Variants in EPHA6 observed in about 807,000 individuals in gnomAD.
EPHA6 encodes ephrin type-A receptor 6.
EPHA6 carries 50 observed loss-of-function variants against 112.0 expected under a neutral mutation model. The observed-to-expected ratio is 0.45, with a 90% CI of 0.36 to 0.56. EPHA6 has a LOEUF of 0.56. EPHA6 is among the 20% of genes least tolerant of loss of function. The pLI is 0.00. For synonymous variants in EPHA6, 529 were observed against 490.7 expected (o/e 1.08, Z -1.03); for missense variants, 1,280 against 1,417.4 (o/e 0.90, Z 1.56).
At chr3:97,643,456 G>A (rs367635170) in intron 14 of EPHA6, among the ~76,000 whole-genome samples, 11,607 of 150,082 alleles carry the variant, frequency 0.077, 579 homozygotes, top group South Asian at 0.21. Context: ...AACTTTAAAT[G>A]TAAATGGACT....
intron 11 of EPHA6, among the ~76,000 whole-genome samples, chr3:97,542,170 C>A (rs148661357): frequency 1.3e-5 from 2 of 151,748 alleles, no homozygotes; most frequent in African/African-American, 4.8e-5. Flanking sequence ...TATACATGTG[C>A]CATGTTGGTG....
At chr3:96,913,412 AATC>A (rs1010708341) in intron 2 of EPHA6, among the ~76,000 whole-genome samples, 13 of 152,192 alleles carry the variant, frequency 8.5e-5, no homozygotes, top group Non-Finnish European at 1.6e-4. Context: ...AGAATGACAT[AATC>A]CAATCACATT....
chr3:97,083,386 C>CT (rs1216908723), intron 3 of EPHA6, among the ~76,000 whole-genome samples: 8 of 151,822 alleles, frequency 5.3e-5, no homozygotes, highest in African/African-American at 1.7e-4. Flanking sequence ...GATTATTGAC[C>CT]ATTCGTTAGC....
chr3:97,333,717 A>G (rs2082918624), intron 5 of EPHA6, among the ~76,000 whole-genome samples: 1 of 151,928 alleles, frequency 6.6e-6, no homozygotes, highest in South Asian at 2.1e-4. Context: ...TGGCTCAAGC[A>G]GTCGTCCCTC....
intron 5 of EPHA6, among the ~76,000 whole-genome samples, chr3:97,281,234 C>CGG (rs1559849310): frequency 1.5e-4 from 22 of 144,382 alleles, no homozygotes; most frequent in African/African-American, 6.1e-4. Flanking sequence ...TGTGTGCGCG[C>CGG]GTGTGTGCAT....
At chr3:96,827,796 T>A (rs2033765019) in intron 1 of EPHA6, among the ~76,000 whole-genome samples, 1 of 152,130 alleles carries the variant, frequency 6.6e-6, no homozygotes, top group Admixed American at 6.6e-5. Flanking sequence ...AACAAGGGCA[T>A]GTGCATCAAC....
At chr3:97,189,125 TC>T (rs1365201438) in intron 3 of EPHA6, among the ~76,000 whole-genome samples, 1 of 152,004 alleles carries the variant, frequency 6.6e-6, no homozygotes, top group East Asian at 1.9e-4. Flanking sequence ...TTACAAGGTG[TC>T]CATAAAATCT....
At chr3:97,588,654 A>T (rs1337715922) in intron 11 of EPHA6, among the ~76,000 whole-genome samples, 2 of 152,226 alleles carry the variant, frequency 1.3e-5, no homozygotes, top group African/African-American at 4.8e-5. Context: ...TTAAAGAAAC[A>T]CTAAGACTGC....
Position 97,391,838 on chromosome 3 carries a change from C to T in EPHA6, c.1607-13312C>T, listed in dbSNP as rs181278880. Among the ~76,000 whole-genome samples, 446 of 151,964 alleles carry T rather than the reference C, an allele frequency of 2.9e-3. 7 individuals carry two copies. The highest frequency in any genetic ancestry group is 9.9e-4 in the Non-Finnish European group (67 of 67,840). On this transcript the variant is annotated intron_variant, in intron 5 of 17. Transcript: ENST00000389672. The stretch of plus-strand genomic sequence containing the variant: ...AAAGTCTTTAAATGGGAACTCTCTT[C>T]TAAAATGCCTAATGTTATTCATGGG...
At position 96,814,614 on chromosome 3, in the gene EPHA6, A is replaced by G; in HGVS notation, c.-10A>G. 1.4e-6 allele frequency: 2 copies of G among 1,417,084 alleles called. No individual in the cohort carries two copies. The highest frequency in any genetic ancestry group is 9.2e-7 in the Non-Finnish European group (1 of 1,082,308). The allele number at this position is 1,417,084 out of a possible 1,614,324, so 87.8% of individuals were successfully genotyped here. On this transcript the variant is annotated 5_prime_UTR_variant, in exon 1 of 18. Coordinates refer to ENST00000389672, the MANE Select transcript of EPHA6 (RefSeq NM_001080448.3). ...TGAATAGTCCTCGCGCAAGCGGGAC[A>G]CTGTGGTGGATGCAATTCCCCTCGC...
chr3:97,236,913 T>C (rs919592760), intron 4 of EPHA6, among the ~76,000 whole-genome samples: 2 of 152,072 alleles, frequency 1.3e-5, no homozygotes, highest in Non-Finnish European at 1.5e-5. Context: ...CTCCTAGGTA[T>C]GCTCAGGATG....
At chr3:97,448,780 C>A in intron 7 of EPHA6, 50 bp downstream of exon 7, 2 of 1,575,184 alleles carry the variant, frequency 1.3e-6, no homozygotes, top group Non-Finnish European at 8.7e-7. Flanking sequence ...AGTATCATTC[C>A]AATTTGACCT....
At chr3:97,110,950 A>T (rs2108281821) in intron 3 of EPHA6, among the ~76,000 whole-genome samples, 1 of 152,290 alleles carries the variant, frequency 6.6e-6, no homozygotes, top group East Asian at 1.9e-4. Flanking sequence ...ATATGTGATT[A>T]TTACCTATAC....
intron 2 of EPHA6, among the ~76,000 whole-genome samples, chr3:96,952,967 G>A (rs919734757): frequency 2.6e-5 from 4 of 152,120 alleles, no homozygotes; most frequent in South Asian, 2.1e-4. Flanking sequence ...CCCGTGACAC[G>A]AGTTTACCTG....
intron 5 of EPHA6, among the ~76,000 whole-genome samples, chr3:97,245,355 CAT>C (rs749139059): frequency 6.6e-6 from 1 of 151,826 alleles, no homozygotes; most frequent in Non-Finnish European, 1.5e-5. Context: ...CTTATAAGGA[CAT>C]TAGTCATATT....
intron 7 of EPHA6, among the ~76,000 whole-genome samples, chr3:97,458,608 C>T (rs575040578): frequency 2.6e-5 from 4 of 151,950 alleles, no homozygotes; most frequent in Non-Finnish European, 5.9e-5. Flanking sequence ...ATATACACTT[C>T]CTATTCCCAT....
At chr3:97,500,325 A>G (rs901993977) in intron 10 of EPHA6, among the ~76,000 whole-genome samples, 1 of 152,044 alleles carries the variant, frequency 6.6e-6, no homozygotes, top group Non-Finnish European at 1.5e-5. Context: ...TTAAAATTCG[A>G]CAGGTTGTAC....
intron 2 of EPHA6, among the ~76,000 whole-genome samples, chr3:96,932,139 A>T (rs2040357693): frequency 6.6e-6 from 1 of 152,130 alleles, no homozygotes; most frequent in Non-Finnish European, 1.5e-5. Context: ...AGGGTGGGCC[A>T]TCACTCTACC....
Position 97,012,507 on chromosome 3 carries a change from T to C in EPHA6, c.1114+24514T>C, listed in dbSNP as rs115398525. On this transcript the variant is annotated intron_variant, in intron 3 of 17. Coordinates refer to ENST00000389672, the MANE Select transcript of EPHA6 (RefSeq NM_001080448.3). The stretch of plus-strand genomic sequence containing the variant: ...CCAACTAATTATGTATATTCATATA[T>C]ATATGTATGTATATTCATATATATT... 4.6e-3 allele frequency among the ~76,000 whole-genome samples: 687 copies of C among 148,796 alleles called. 6 individuals are homozygous for C. Among genetic ancestry groups the C allele is most frequent in the African/African-American group, 0.016 (661 of 40,882 alleles).
Sources: allele counts gnomAD v4.1 joint callset (sites outside exome capture counted in the v4.1 genomes callset), GRCh38; gene constraint gnomAD v4.1.1; transcripts MANE v1.5; gene names NCBI Gene and HGNC (gene_info 2026-07-23, HGNC 2026-07-21).